Variants in NFATC2 observed in about 807,000 individuals in gnomAD.
NFATC2 encodes nuclear factor of activated T cells 2, also known as nuclear factor of activated T-cells, cytoplasmic 2.
Under a neutral mutation model 87.3 loss-of-function variants are expected in NFATC2, and 22 were observed. The observed-to-expected ratio is 0.25, with a 90% CI of 0.18 to 0.36. The LOEUF is 0.36. Ranked by LOEUF, NFATC2 falls within the 10% of genes least tolerant of loss-of-function variation. NFATC2 has a pLI of 1.00. For missense variants in NFATC2, 1,149 were observed against 1,259.1 expected, an observed-to-expected ratio of 0.91 and a Z score of 1.32; for synonymous variants, 565 against 542.2, an observed-to-expected ratio of 1.04 and a Z score of -0.58.
At chr20:51,405,078 C>A (rs1014079834) in intron 9 of NFATC2, among the ~76,000 whole-genome samples, 1 of 152,126 alleles carries the variant, frequency 6.6e-6, no homozygotes, top group Non-Finnish European at 1.5e-5. Context: ...CAGTTTGTGG[C>A]CAGGAAGGCA....
rs2076839588 is a variant in NFATC2 at position 51,542,620 on chromosome 20, A to G, written c.-121T>C. 1.7e-6 allele frequency: 2 copies of G among 1,210,200 alleles called. No individual in the cohort carries two copies. Among genetic ancestry groups the G allele is most frequent in the Non-Finnish European group, 2.1e-6 (2 of 970,850 alleles). The allele number at this position is 1,210,200 out of a possible 1,614,324, so 75.0% of individuals were successfully genotyped here. A position where few individuals can be genotyped will look rare whatever the true frequency, so the allele number is the denominator to read the frequency against. Reference sequence around the variant, plus strand: ...CGGCGGGGTCCCTTTCCTCGTAGGGACGCACGCCGGGTCCGGGGACGGCGC... The same window carrying G: ...CGGCGGGGTCCCTTTCCTCGTAGGGGCGCACGCCGGGTCCGGGGACGGCGC... On this transcript the variant is annotated 5_prime_UTR_variant, in exon 1 of 11. Coordinates refer to ENST00000371564, the MANE Select transcript of NFATC2 (RefSeq NM_012340.5).
chr20:51,519,786 G>C (rs1184270269), intron 2 of NFATC2, among the ~76,000 whole-genome samples: 4 of 136,776 alleles, frequency 2.9e-5, no homozygotes, highest in Non-Finnish European at 6.3e-5. Context: ...TGTGGTGGCA[G>C]GTGCCTGTAA....
At chr20:51,453,085 G>GC (rs2146421843) in intron 6 of NFATC2, 1 of 154,762 alleles carries the variant, frequency 6.5e-6, no homozygotes, top group East Asian at 1.9e-4. Flanking sequence ...CACTGCCACA[G>GC]CCTTACTTAA....
intron 9 of NFATC2, among the ~76,000 whole-genome samples, chr20:51,403,492 TAC>T (rs1988261381): frequency 1.3e-5 from 2 of 152,166 alleles, no homozygotes; most frequent in Admixed American, 6.5e-5. Context: ...CTTTCACCTA[TAC>T]AGTCCCTGCT....
chr20:51,486,955 T>C (rs1055755021), intron 3 of NFATC2, among the ~76,000 whole-genome samples: 2 of 152,000 alleles, frequency 1.3e-5, no homozygotes, highest in African/African-American at 4.8e-5. Flanking sequence ...TTTACAATCT[T>C]GAGATTGAAT....
chr20:51,509,705 C>T (rs1306661021), intron 3 of NFATC2, among the ~76,000 whole-genome samples: 1 of 152,264 alleles, frequency 6.6e-6, no homozygotes, highest in African/African-American at 2.4e-5. Flanking sequence ...GTGCAGCTTT[C>T]ACCTGGAAAG....
chr20:51,478,405 G>A (rs1425156878), intron 3 of NFATC2, among the ~76,000 whole-genome samples: 1 of 152,168 alleles, frequency 6.6e-6, no homozygotes, highest in Non-Finnish European at 1.5e-5. Flanking sequence ...TGATGATGTG[G>A]AGCTGTTTCC....
chr20:51,427,477 C>T (rs1032078954), intron 9 of NFATC2, among the ~76,000 whole-genome samples: 2 of 152,208 alleles, frequency 1.3e-5, no homozygotes, highest in Non-Finnish European at 2.9e-5. Flanking sequence ...GGCACACTCC[C>T]TGTGAAATGC....
intron 10 of NFATC2, among the ~76,000 whole-genome samples, chr20:51,397,878 A>G (rs1987423686): frequency 6.6e-6 from 1 of 152,234 alleles, no homozygotes; most frequent in African/African-American, 2.4e-5. Flanking sequence ...TAACAGCAAC[A>G]GCATCTAAGA....
rs545568234 is a variant in NFATC2 at position 51,398,242 on chromosome 20, G to A, written c.*44+401C>T. ...TCAGTGGCTTCTTAGGTAGGTTTTC[G>A]GACCTCCCTGCCCACTCTGCTGTTC... On this transcript the variant is annotated intron_variant, in intron 10 of 10. Coordinates refer to ENST00000371564, the MANE Select transcript of NFATC2 (RefSeq NM_012340.5). 5.6e-3 allele frequency among the ~76,000 whole-genome samples: 857 copies of A among 152,218 alleles called. 5 individuals carry two copies. Among genetic ancestry groups the A allele is most frequent in the Non-Finnish European group, 7.3e-3 (495 of 67,996 alleles).
chr20:51,543,975 A>ATTTTT (rs11473264), upstream of NFATC2, among the ~76,000 whole-genome samples: 362 of 72,966 alleles, frequency 5.0e-3, 69 homozygotes, highest in East Asian at 0.02. Context: ...AGAATTCCTA[A>ATTTTT]TTTTTTTTTT....
At chr20:51,490,878 C>T (rs1268572714) in intron 3 of NFATC2, among the ~76,000 whole-genome samples, 2 of 152,180 alleles carry the variant, frequency 1.3e-5, no homozygotes, top group African/African-American at 4.8e-5. Flanking sequence ...GTTTGCAGAG[C>T]ACAGGACTGG....
At chr20:51,496,091 G>A (rs978126562) in intron 3 of NFATC2, among the ~76,000 whole-genome samples, 5 of 152,110 alleles carry the variant, frequency 3.3e-5, no homozygotes, top group South Asian at 2.1e-4. Flanking sequence ...GGAGCCAGGT[G>A]AGGAATGTGG....
At chr20:51,442,711 T>G (rs975531343) in intron 6 of NFATC2, among the ~76,000 whole-genome samples, 19 of 151,778 alleles carry the variant, frequency 1.3e-4, no homozygotes, top group Admixed American at 6.5e-4. Context: ...AAGTTTGTTT[T>G]TTTTTTTTTT....
At chr20:51,526,178 C>CCCGT (rs1313720852) in intron 1 of NFATC2, among the ~76,000 whole-genome samples, 2 of 152,100 alleles carry the variant, frequency 1.3e-5, no homozygotes, top group Non-Finnish European at 2.9e-5. Context: ...GCTAACAGCT[C>CCCGT]CCGTCGCACC....
chr20:51,535,938 A>C (rs930000228), intron 1 of NFATC2, among the ~76,000 whole-genome samples: 3 of 152,202 alleles, frequency 2.0e-5, no homozygotes, highest in Non-Finnish European at 4.4e-5. Flanking sequence ...CAGGAAAAGC[A>C]ATCTCCCCAC....
chr20:51,543,828 C>T (rs952399499), upstream of NFATC2, among the ~76,000 whole-genome samples: 1 of 152,150 alleles, frequency 6.6e-6, no homozygotes, highest in African/African-American at 2.4e-5. Context: ...GCTCCACCAA[C>T]TTAGCTGAAG....
intron 9 of NFATC2, among the ~76,000 whole-genome samples, chr20:51,401,206 C>A (rs923876540): frequency 6.6e-6 from 1 of 152,022 alleles, no homozygotes; most frequent in African/African-American, 2.4e-5. Flanking sequence ...CCCGTCTCTA[C>A]TAAAAATACA....
chr20:51,544,369 T>G (rs1485622454), upstream of NFATC2, among the ~76,000 whole-genome samples: 1 of 152,106 alleles, frequency 6.6e-6, no homozygotes, highest in Non-Finnish European at 1.5e-5. Flanking sequence ...GGTCTTAAGA[T>G]CCTCGTGAGA....
Sources: gnomAD v4.1 joint callset for allele counts (sites outside exome capture counted in the v4.1 genomes callset) on GRCh38, gnomAD v4.1.1 for gene constraint, MANE v1.5 for transcripts, NCBI Gene and HGNC (gene_info 2026-07-23, HGNC 2026-07-21) for gene names.